The following PCDH15 variants were observed in gnomAD, a reference collection of about 807,000 sequenced individuals.
The protein encoded by PCDH15 is protocadherin-15.
A neutral mutation model predicts 178.5 loss-of-function variants in PCDH15; 129 were observed. The ratio of observed to expected loss-of-function variants is 0.72; its 90% CI spans 0.63 to 0.84. The LOEUF (loss-of-function observed/expected upper bound fraction) is 0.84. Among genes scored for constraint, PCDH15 ranks in the 40% least tolerant of loss-of-function variants. The pLI, the probability that PCDH15 is intolerant of heterozygous loss-of-function variation, is 0.00. For missense variants in PCDH15, 2,230 were observed against 2,099.9 expected, an observed-to-expected ratio of 1.06 and a Z score of -1.21; for synonymous variants, 800 against 732.0, an observed-to-expected ratio of 1.09 and a Z score of -1.50.
chr10:54,200,443 C>T (rs2050119286), intron 10 of PCDH15, among the ~76,000 whole-genome samples: 3 of 151,868 alleles, frequency 2.0e-5, no homozygotes, highest in South Asian at 2.1e-4. Flanking sequence ...CCTCGACAGG[C>T]CCCGGTGTGT....
intron 26 of PCDH15, among the ~76,000 whole-genome samples, chr10:53,874,468 C>G (rs1198994190): frequency 3.3e-5 from 5 of 152,100 alleles, no homozygotes; most frequent in African/African-American, 1.2e-4. Flanking sequence ...GTTTGCCCAA[C>G]TCAAGGAGAA....
At chr10:54,544,187 G>A (rs2133041976) in intron 2 of PCDH15, among the ~76,000 whole-genome samples, 1 of 152,238 alleles carries the variant, frequency 6.6e-6, no homozygotes, top group Admixed American at 6.5e-5. Context: ...TTTAGCAAAA[G>A]GGACTTTGGC....
chr10:54,108,046 C>A (rs1356002180), intron 15 of PCDH15, among the ~76,000 whole-genome samples: 1 of 152,110 alleles, frequency 6.6e-6, no homozygotes, highest in Non-Finnish European at 1.5e-5. Flanking sequence ...ATGGTGTCTG[C>A]ATGGGAAGGG....
At chr10:55,593,136 T>A (rs1245011453) in intron 2 of PCDH15, among the ~76,000 whole-genome samples, 1 of 151,892 alleles carries the variant, frequency 6.6e-6, no homozygotes, top group East Asian at 1.9e-4. Context: ...AAATCCATGC[T>A]TTTAAAATAG....
intron 28 of PCDH15, among the ~76,000 whole-genome samples, chr10:53,849,912 G>T (rs1438296112): frequency 3.4e-5 from 5 of 146,494 alleles, no homozygotes; most frequent in Admixed American, 1.4e-4. Context: ...TACAAATTTG[G>T]AAAATCCAAG....
intron 13 of PCDH15, among the ~76,000 whole-genome samples, chr10:54,175,365 T>C (rs1363751664): frequency 1.3e-5 from 2 of 152,194 alleles, no homozygotes; most frequent in Non-Finnish European, 1.5e-5. Context: ...TATGTAATTT[T>C]ATATGTTATG....
chr10:54,421,895 C>CTA (rs1413869497), intron 3 of PCDH15, among the ~76,000 whole-genome samples: 2,354 of 61,570 alleles, frequency 0.038, 222 homozygotes, highest in African/African-American at 0.18. Context: ...CACACACACA[C>CTA]TATATATATA....
chr10:54,692,837 T>C (rs1256254238), intron 1 of PCDH15, among the ~76,000 whole-genome samples: 2 of 151,642 alleles, frequency 1.3e-5, no homozygotes, highest in East Asian at 3.9e-4. Context: ...TTAGCATAAA[T>C]GCAAACACAA....
At chr10:54,424,032 A>G (rs1034535977) in intron 3 of PCDH15, among the ~76,000 whole-genome samples, 1 of 151,932 alleles carries the variant, frequency 6.6e-6, no homozygotes, top group African/African-American at 2.4e-5. Flanking sequence ...ATTAAACTAC[A>G]GAGCTTCTGC....
intron 15 of PCDH15, among the ~76,000 whole-genome samples, chr10:54,104,091 A>G (rs571547661): frequency 3.7e-4 from 57 of 152,048 alleles, no homozygotes; most frequent in African/African-American, 1.3e-3. Context: ...AATCAACATT[A>G]TTTTTCCTGG....
intron 13 of PCDH15, among the ~76,000 whole-genome samples, chr10:54,182,224 C>T (rs1450792218): frequency 6.6e-6 from 1 of 152,198 alleles, no homozygotes; most frequent in East Asian, 1.9e-4. Context: ...GCCTCGGCCT[C>T]CCAAAGTGCT....
At position 54,859,186 on chromosome 10, in the gene PCDH15, C is replaced by G. The variant is rs1336498186; in HGVS notation, c.-29+38264G>C. Among the ~76,000 whole-genome samples, 28 of 152,030 alleles carry G rather than the reference C, an allele frequency of 1.8e-4. 1 individual carries two copies. Among genetic ancestry groups the G allele is most frequent in the Admixed American group, 1.8e-3 (28 of 15,246 alleles). On this transcript the variant is annotated intron_variant, in intron 3 of 5. Transcript: ENST00000458638. ...TTCTTGTGTGAGAAGAAATATGAAGCTGATTCCGTTTGTAAAGACACTTTA... is the reference window on the plus strand; with the variant it reads ...TTCTTGTGTGAGAAGAAATATGAAGGTGATTCCGTTTGTAAAGACACTTTA...
intron 2 of PCDH15, among the ~76,000 whole-genome samples, chr10:54,934,867 G>A (rs1837866538): frequency 6.6e-6 from 1 of 151,854 alleles, no homozygotes; most frequent in Admixed American, 6.6e-5. Flanking sequence ...AAGAAAATGT[G>A]GCACATACAC....
At chr10:55,529,741 G>GCATATATATA (rs1439080335) in intron 2 of PCDH15, among the ~76,000 whole-genome samples, 1 of 62,772 alleles carries the variant, frequency 1.6e-5, no homozygotes, top group Non-Finnish European at 3.1e-5. Flanking sequence ...TTGTCTGTGA[G>GCATATATATA]TATATATATA....
chr10:54,731,112 T>G (rs951764627), intron 1 of PCDH15, among the ~76,000 whole-genome samples: 2 of 151,372 alleles, frequency 1.3e-5, no homozygotes, highest in African/African-American at 4.8e-5. Context: ...AAAGACATTT[T>G]TCTAAAGAGA....
At chr10:54,171,087 A>T (rs1423212111) in intron 13 of PCDH15, among the ~76,000 whole-genome samples, 12 of 152,134 alleles carry the variant, frequency 7.9e-5, no homozygotes, top group Admixed American at 7.9e-4. Context: ...TGAGAAGGCC[A>T]CCGCAGGCAT....
Position 55,425,671 on chromosome 10 carries a change from CA to C in PCDH15, c.-156+201953del, listed in dbSNP as rs756770818. 4.7e-5 allele frequency among the ~76,000 whole-genome samples: 7 copies of C among 148,314 alleles called. No homozygotes were observed. In the East Asian group the frequency reaches 1.4e-3, roughly 29 times the overall value. Reference sequence around the variant, plus strand: ...TACTAGCTTTTCACACACACACACACAAAAAAAAACAGTGTTACTCATTAAA... The same window carrying C: ...TACTAGCTTTTCACACACACACACACAAAAAAAACAGTGTTACTCATTAAA... On this transcript the variant is annotated intron_variant, in intron 2 of 5. Transcript: ENST00000613346.
intron 1 of PCDH15, among the ~76,000 whole-genome samples, chr10:54,755,287 T>G (rs1158731303): frequency 6.6e-6 from 1 of 152,168 alleles, no homozygotes; most frequent in Non-Finnish European, 1.5e-5. Flanking sequence ...TGGTTTAATT[T>G]TCTTAGGAGG....
intron 1 of PCDH15, among the ~76,000 whole-genome samples, chr10:55,228,402 A>T (rs547249788): frequency 1.3e-5 from 2 of 152,064 alleles, no homozygotes; most frequent in Non-Finnish European, 2.9e-5. Context: ...TAGTATGGGG[A>T]ATGAATATTC....
Sources: allele counts gnomAD v4.1 joint callset (sites outside exome capture counted in the v4.1 genomes callset), GRCh38; gene constraint gnomAD v4.1.1; transcripts MANE v1.5; gene names NCBI Gene and HGNC (gene_info 2026-07-23, HGNC 2026-07-21).